Variants in CLRN1 observed in about 807,000 individuals in gnomAD.
CLRN1 encodes clarin 1.
In CLRN1, 15 loss-of-function variants were observed where a neutral mutation model predicts 18.7. That is an observed-to-expected ratio of 0.80 (90% CI 0.54 to 1.23). CLRN1 has a LOEUF of 1.23. CLRN1 is among the 50% of genes most tolerant of loss of function. The pLI, the probability that CLRN1 is intolerant of heterozygous loss-of-function variation, is 0.00. For missense variants in CLRN1, 311 were observed against 277.5 expected (o/e 1.12, Z -0.86); for synonymous variants, 104 against 102.9 (o/e 1.01, Z -0.07).
At chr3:150,972,401 C>T (rs940484731) in intron 1 of CLRN1, 55 bp downstream of exon 1, 15 of 1,612,854 alleles carry the variant, frequency 9.3e-6, no homozygotes, top group African/African-American at 5.3e-5. Flanking sequence ...TTCCTCGCAA[C>T]ACTGGGAAGA....
intron 1 of CLRN1, chr3:150,944,112 A>C: frequency 1.9e-6 from 1 of 529,410 alleles, no homozygotes; most frequent in Non-Finnish European, 3.4e-6. Flanking sequence ...AAACGAGCTG[A>C]CACCTGAATG....
At chr3:150,940,549 A>G in intron 2 of CLRN1, 1 of 1,531,412 alleles carries the variant, frequency 6.5e-7, no homozygotes, top group Non-Finnish European at 8.7e-7. Context: ...AGTCGAATAG[A>G]GATTTTCATT....
chr3:150,952,958 A>G (rs1184627681), intron 1 of CLRN1, among the ~76,000 whole-genome samples: 2 of 152,132 alleles, frequency 1.3e-5, no homozygotes, highest in Non-Finnish European at 2.9e-5. Context: ...TCTTCTTTTA[A>G]TCAAAAATCC....
intron 2 of CLRN1, among the ~76,000 whole-genome samples, chr3:150,931,792 A>G (rs1713163131): frequency 6.6e-6 from 1 of 152,210 alleles, no homozygotes. Flanking sequence ...ATGTACACCA[A>G]GAGCCCAAAT....
chr3:150,930,374 G>A (rs1441279787), intron 2 of CLRN1, among the ~76,000 whole-genome samples: 9 of 152,064 alleles, frequency 5.9e-5, no homozygotes, highest in Non-Finnish European at 1.3e-4. Flanking sequence ...TGAGGGGAGA[G>A]GTGAGCAGAA....
chr3:150,941,881 A>T, intron 1 of CLRN1, 120 bp from the exon 2 acceptor site: 1 of 900,852 alleles, frequency 1.1e-6, no homozygotes, highest in East Asian at 2.6e-5. Context: ...CTTCTGATGA[A>T]TACATTCTCA....
intron 1 of CLRN1, among the ~76,000 whole-genome samples, chr3:150,946,102 A>T (rs1714152022): frequency 6.6e-6 from 1 of 152,256 alleles, no homozygotes; most frequent in African/African-American, 2.4e-5. Flanking sequence ...GTATGGAATT[A>T]TTCATCAAAA....
chr3:150,957,557 T>C (rs1714810755), intron 1 of CLRN1, among the ~76,000 whole-genome samples: 1 of 152,228 alleles, frequency 6.6e-6, no homozygotes, highest in Admixed American at 6.5e-5. Flanking sequence ...GTCTATCCTC[T>C]AAGGTTTCAC....
intron 1 of CLRN1, among the ~76,000 whole-genome samples, chr3:150,948,901 A>AAC: frequency 6.6e-6 from 1 of 152,318 alleles, no homozygotes; most frequent in Non-Finnish European, 1.5e-5. Flanking sequence ...ACAGAGACAC[A>AAC]ACAAAAAAAG....
chr3:150,944,795 T>C (rs1714079312), intron 1 of CLRN1, among the ~76,000 whole-genome samples: 1 of 152,178 alleles, frequency 6.6e-6, no homozygotes, highest in Non-Finnish European at 1.5e-5. Context: ...TTCAAATTTT[T>C]TGTCCTGAGC....
intron 1 of CLRN1, among the ~76,000 whole-genome samples, chr3:150,972,126 T>C (rs1715565729): frequency 6.6e-6 from 1 of 152,182 alleles, no homozygotes; most frequent in Non-Finnish European, 1.5e-5. Context: ...GATCATTCTT[T>C]ACAGCTTTCC....
Position 150,940,361 on chromosome 3 carries a change from C to G in CLRN1, c.433+1221G>C, listed in dbSNP as rs1377249840. The G allele has an allele frequency of 2.3e-5, 19 of 821,858 alleles. No individual in the cohort carries two copies. The Admixed American group carries it at 4.2e-4, about 18-fold the overall frequency. 50.9% of individuals were successfully genotyped at this position (821,858 alleles called of 1,614,324 possible). On this transcript the variant is annotated intron_variant, in intron 2 of 2. Coordinates refer to ENST00000327047, the MANE Select transcript of CLRN1 (RefSeq NM_174878.3). ...CAAGTAACAATGAACAGAGGCTACA[C>G]TGCAAGTGACCTCCTGTTAACTACA... is the stretch of plus-strand genomic sequence containing the variant.
At chr3:150,962,570 G>C (rs1008883532) in intron 1 of CLRN1, among the ~76,000 whole-genome samples, 5 of 151,840 alleles carry the variant, frequency 3.3e-5, no homozygotes, top group African/African-American at 1.2e-4. Context: ...TTTTCTTTTG[G>C]TCCTTGACTT....
chr3:150,939,439 T>G (rs2107946239), intron 2 of CLRN1, among the ~76,000 whole-genome samples: 1 of 152,300 alleles, frequency 6.6e-6, no homozygotes, highest in South Asian at 2.1e-4. Flanking sequence ...TTTCTGACAT[T>G]ACCATCTTGG....
chr3:150,947,223 C>T (rs977571405), intron 1 of CLRN1, among the ~76,000 whole-genome samples: 3 of 151,198 alleles, frequency 2.0e-5, no homozygotes, highest in Non-Finnish European at 4.4e-5. Context: ...ATCTACCAAG[C>T]AAACAGAAAA....
intron 2 of CLRN1, among the ~76,000 whole-genome samples, chr3:150,937,727 C>A (rs561777450): frequency 2.0e-5 from 3 of 152,104 alleles, no homozygotes; most frequent in Non-Finnish European, 4.4e-5. Context: ...CTGAGGAATA[C>A]GAGCTAAACT....
rs1712892873 is a variant in CLRN1 at position 150,927,776 on chromosome 3, A to T, written c.*160T>A. The T allele has an allele frequency of 2.0e-6, 2 of 977,416 alleles. No homozygotes were observed. The highest frequency in any genetic ancestry group is 1.6e-5 in the African/African-American group (1 of 62,324). 60.5% of individuals were successfully genotyped at this position (977,416 alleles called of 1,614,324 possible). A position where few individuals can be genotyped will look rare whatever the true frequency, so the allele number is the denominator to read the frequency against. ...TCAAAGCCTTCCTTCTGCTTCCCTT[A>T]CTTTCCAGCCTGTATCCTTAGTACG... On this transcript the variant is annotated 3_prime_UTR_variant, in exon 3 of 3. Transcript: ENST00000327047.
rs192144609 is a variant in CLRN1 at position 150,972,701 on chromosome 3, C to T, written c.8G>A (p.Ser3Asn). ...GCAAAAAATGATTTTCTTCTGTTGG[C>T]TTGGCATGATGAGAAACGGCTTCTG... The part of the protein sequence containing the change: MP[S>N]QQKKIIFCMA... The change falls in exon 1 of 3, where the codon AGC becomes AAC. Residue 3 changes from serine (S) to asparagine (N), a missense_variant. Physicochemically the swap from Ser to Asn is conservative, Grantham distance 46. Coordinates refer to ENST00000327047, the MANE Select transcript of CLRN1 (RefSeq NM_174878.3). 34 of 1,614,210 alleles carry T rather than the reference C, an allele frequency of 2.1e-5. No homozygotes were observed. The highest frequency in any genetic ancestry group is 2.8e-5 in the Non-Finnish European group (33 of 1,180,038).
In CLRN1 at chr3:150,926,722, A is replaced by G; in HGVS notation, c.*1214T>C. The G allele has an allele frequency of 6.9e-7, 1 of 1,455,674 alleles. No individual in the cohort carries two copies. Among genetic ancestry groups the G allele is most frequent in the Non-Finnish European group, 9.6e-7 (1 of 1,037,996 alleles). The allele number at this position is 1,455,674 out of a possible 1,614,324, so 90.2% of individuals were successfully genotyped here. ...TAAGGAGTACTTTCAAACCTATTAT[A>G]TGAGGGCTGCTGAGTACTCAGCACC... On this transcript the variant is annotated 3_prime_UTR_variant, in exon 3 of 3. Coordinates refer to ENST00000327047, the MANE Select transcript of CLRN1 (RefSeq NM_174878.3).
Sources: gnomAD v4.1 joint callset for allele counts (sites outside exome capture counted in the v4.1 genomes callset) on GRCh38, gnomAD v4.1.1 for gene constraint, MANE v1.5 for transcripts, NCBI Gene and HGNC (gene_info 2026-07-23, HGNC 2026-07-21) for gene names.